The following CSMD1 variants were observed in gnomAD, a reference collection of about 807,000 sequenced individuals.
CSMD1 encodes the protein CUB and sushi domain-containing protein 1.
Under a neutral mutation model 417.5 loss-of-function variants are expected in CSMD1, and 213 were observed. That is an observed-to-expected ratio of 0.51 (90% CI 0.46 to 0.57). The LOEUF is 0.57. Ranked by LOEUF, CSMD1 falls within the 20% of genes least tolerant of loss-of-function variation. The pLI is 0.00. For missense variants in CSMD1, 6,923 were observed against 4,529.7 expected (o/e 1.53, Z -15.17); for synonymous variants, 2,862 against 1,736.8 (o/e 1.65, Z -16.11).
chr8:4,759,065 G>T (rs1811857604), intron 1 of CSMD1, among the ~76,000 whole-genome samples: 1 of 152,188 alleles, frequency 6.6e-6, no homozygotes, highest in Non-Finnish European at 1.5e-5. Context: ...AAGTTATTAA[G>T]ATATGCTCTG....
At chr8:4,466,574 C>T (rs1222460829) in intron 2 of CSMD1, among the ~76,000 whole-genome samples, 1 of 152,126 alleles carries the variant, frequency 6.6e-6, no homozygotes, top group African/African-American at 2.4e-5. Context: ...CAAATGCCAA[C>T]AGTGTCACAA....
intron 4 of CSMD1, among the ~76,000 whole-genome samples, chr8:4,004,964 T>A (rs1815991663): frequency 1.3e-5 from 2 of 152,302 alleles, no homozygotes; most frequent in South Asian, 4.1e-4. Context: ...CAGGATGGTC[T>A]CAATCTCCTG....
At chr8:3,451,256 T>C in intron 12 of CSMD1, among the ~76,000 whole-genome samples, 1 of 152,176 alleles carries the variant, frequency 6.6e-6, no homozygotes, top group Non-Finnish European at 1.5e-5. Flanking sequence ...TTTCTGCCAC[T>C]CTGTAGGATG....
intron 3 of CSMD1, among the ~76,000 whole-genome samples, chr8:4,300,127 G>T (rs898147519): frequency 6.6e-6 from 1 of 152,160 alleles, no homozygotes; most frequent in Non-Finnish European, 1.5e-5. Flanking sequence ...TCAGCTGAGT[G>T]CTTTTGACTG....
At chr8:2,949,423 G>T in intron 67 of CSMD1, 37 bp from the exon 68 acceptor site, 2 of 341,986 alleles carry the variant, frequency 5.8e-6, no homozygotes, top group Non-Finnish European at 5.0e-6. Context: ...AAATAAAAAG[G>T]TATACGAAGG....
intron 33 of CSMD1, among the ~76,000 whole-genome samples, chr8:3,196,423 A>G (rs1796706053): frequency 6.6e-6 from 1 of 152,022 alleles, no homozygotes; most frequent in Admixed American, 6.6e-5. Flanking sequence ...TTTCCTAATA[A>G]ACTTGTTTTT....
chr8:4,748,909 C>T (rs1811130795), intron 1 of CSMD1, among the ~76,000 whole-genome samples: 1 of 152,222 alleles, frequency 6.6e-6, no homozygotes, highest in East Asian at 1.9e-4. Flanking sequence ...TCTGAAGGTT[C>T]TCTGCTGCAG....
At chr8:2,974,418 G>C (rs1219001712) in intron 56 of CSMD1, 33 bp downstream of exon 56, 4 of 1,483,324 alleles carry the variant, frequency 2.7e-6, no homozygotes, top group Non-Finnish European at 9.0e-7. Flanking sequence ...TTTGAAATCT[G>C]TAATTCTGTC....
At chr8:3,103,721 G>A (rs979874851) in intron 46 of CSMD1, among the ~76,000 whole-genome samples, 1 of 150,000 alleles carries the variant, frequency 6.7e-6, no homozygotes, top group East Asian at 1.9e-4. Context: ...ATCTGGAGAG[G>A]ACACCCTAAT....
chr8:3,905,571 C>A (rs1362343404), intron 5 of CSMD1, among the ~76,000 whole-genome samples: 2 of 152,216 alleles, frequency 1.3e-5, no homozygotes, highest in African/African-American at 4.8e-5. Flanking sequence ...CTTGTGCAAA[C>A]ACAGATGGCT....
At chr8:4,003,875 A>C (rs1815896861) in intron 4 of CSMD1, among the ~76,000 whole-genome samples, 1 of 152,178 alleles carries the variant, frequency 6.6e-6, no homozygotes, top group South Asian at 2.1e-4. Context: ...CGTGTGATAA[A>C]ATGTTTGTTT....
At position 4,637,509 on chromosome 8, in the gene CSMD1, G is replaced by A. The variant is rs370275718; in HGVS notation, c.135C>T (p.Ser45=). The A allele has an allele frequency of 6.8e-6, 11 of 1,613,720 alleles. No homozygotes were observed. In the African/African-American group the frequency reaches 9.3e-5, roughly 14 times the overall value. The part of the protein sequence containing the change: ...LVQGPNGTIE[S]PGFPHGYPNY... ...TCGGATACCCGTGAGGAAACCCTGG[G>A]CTCTCAATAGTGCCATTGGGACCCT... Residue 45 remains serine, a synonymous_variant, in exon 2 of 70, where the codon AGC becomes AGT. Coordinates refer to ENST00000635120, the MANE Select transcript of CSMD1 (RefSeq NM_033225.6).
Position 3,767,297 on chromosome 8 carries a change from G to A in CSMD1, c.819-13255C>T, listed in dbSNP as rs1798325738. Among the ~76,000 whole-genome samples the A allele has an allele frequency of 3.3e-5, 5 of 152,206 alleles. No homozygotes were observed. In the South Asian group the frequency reaches 1.0e-3, roughly 32 times the overall value. On this transcript the variant is annotated intron_variant, in intron 5 of 69. Coordinates refer to ENST00000635120, the MANE Select transcript of CSMD1 (RefSeq NM_033225.6). The stretch of plus-strand genomic sequence containing the variant: ...CTCCCCGACCTGCACACTCTGCAAT[G>A]GTGTGGTCATTACGAACACGGACAG...
chr8:3,573,638 C>A (rs182951199), intron 10 of CSMD1, among the ~76,000 whole-genome samples: 2 of 152,122 alleles, frequency 1.3e-5, no homozygotes, highest in Non-Finnish European at 2.9e-5. Context: ...TTTACGGAAT[C>A]TAAAATCAGA....
chr8:3,584,397 T>A (rs1356246209), intron 9 of CSMD1, among the ~76,000 whole-genome samples: 1 of 152,198 alleles, frequency 6.6e-6, no homozygotes, highest in Non-Finnish European at 1.5e-5. Context: ...GACACTTGAA[T>A]TGACGAGAAC....
intron 7 of CSMD1, among the ~76,000 whole-genome samples, chr8:3,635,126 T>C (rs1796969176): frequency 1.3e-5 from 2 of 152,024 alleles, no homozygotes; most frequent in Admixed American, 6.6e-5. Context: ...TCTGGGTGAC[T>C]CAGTAAGTGG....
intron 54 of CSMD1, among the ~76,000 whole-genome samples, chr8:2,984,903 A>G (rs1805742768): frequency 6.6e-6 from 1 of 152,242 alleles, no homozygotes; most frequent in African/African-American, 2.4e-5. Flanking sequence ...TTGACTACAC[A>G]TCACCTGGAC....
chr8:4,141,599 A>C (rs1447809002), intron 3 of CSMD1, among the ~76,000 whole-genome samples: 1 of 151,044 alleles, frequency 6.6e-6, no homozygotes, highest in Non-Finnish European at 1.5e-5. Flanking sequence ...TAAGAAATGG[A>C]GTTGTAACGA....
intron 4 of CSMD1, among the ~76,000 whole-genome samples, chr8:4,014,073 T>G (rs1163181819): frequency 2.0e-5 from 3 of 152,174 alleles, no homozygotes. Context: ...TAAAAACAAC[T>G]TTTGAGCATC....
Sources: allele counts gnomAD v4.1 joint callset (sites outside exome capture counted in the v4.1 genomes callset), GRCh38; gene constraint gnomAD v4.1.1; transcripts MANE v1.5; gene names NCBI Gene and HGNC (gene_info 2026-07-23, HGNC 2026-07-21).